Variants in GNA14 observed in about 807,000 individuals in gnomAD.
GNA14 encodes the protein guanine nucleotide-binding protein subunit alpha-14.
A neutral mutation model predicts 42.0 loss-of-function variants in GNA14; 50 were observed. The observed-to-expected ratio is 1.19, with a 90% CI of 0.95 to 1.51. The LOEUF (loss-of-function observed/expected upper bound fraction) is 1.51, where lower values mean the gene tolerates loss of function less well. Ranked by LOEUF, GNA14 falls within the 40% of genes most tolerant of loss-of-function variation. The probability of loss-of-function intolerance (pLI) is 0.00; values close to 1 mark genes in which losing one functional copy is unlikely to be tolerated. For missense variants in GNA14, 473 were observed against 446.2 expected (o/e 1.06, Z -0.54); for synonymous variants, 173 against 163.1 (o/e 1.06, Z -0.46).
chr9:77,484,553 A>G (rs1836622799), intron 2 of GNA14, among the ~76,000 whole-genome samples: 1 of 152,186 alleles, frequency 6.6e-6, no homozygotes, highest in South Asian at 2.1e-4. Context: ...AAGTAAGAGT[A>G]CTACACTTTG....
chr9:77,520,391 A>G (rs1837337126), intron 2 of GNA14, among the ~76,000 whole-genome samples: 1 of 152,218 alleles, frequency 6.6e-6, no homozygotes, highest in Non-Finnish European at 1.5e-5. Flanking sequence ...ATCGCCAGAG[A>G]ACTGGGGCAC....
chr9:77,499,127 G>T (rs1313863755), intron 2 of GNA14, among the ~76,000 whole-genome samples: 1 of 152,146 alleles, frequency 6.6e-6, no homozygotes, highest in Admixed American at 6.6e-5. Flanking sequence ...ATTAAGGAAA[G>T]GCTAAGTAAT....
chr9:77,490,451 A>C (rs1836749724), intron 2 of GNA14, among the ~76,000 whole-genome samples: 1 of 152,174 alleles, frequency 6.6e-6, no homozygotes, highest in Non-Finnish European at 1.5e-5. Context: ...TTCGTCGGGG[A>C]GGCTCAGGCT....
chr9:77,632,324 A>G (rs764531411), intron 1 of GNA14, among the ~76,000 whole-genome samples: 5 of 152,154 alleles, frequency 3.3e-5, no homozygotes, highest in Admixed American at 6.5e-5. Flanking sequence ...GCTCCTGGAC[A>G]GGAGGTGGGT....
intron 1 of GNA14, among the ~76,000 whole-genome samples, chr9:77,563,848 T>C (rs1232244954): frequency 1.3e-5 from 2 of 152,112 alleles, no homozygotes; most frequent in Non-Finnish European, 2.9e-5. Context: ...GGAGCGCAAT[T>C]TGGGGTCTTG....
intron 1 of GNA14, among the ~76,000 whole-genome samples, chr9:77,529,948 A>G (rs1394568721): frequency 1.3e-5 from 2 of 152,366 alleles, no homozygotes; most frequent in African/African-American, 2.4e-5. Flanking sequence ...AAGTTGCAGT[A>G]TAAGTGATAG....
intron 1 of GNA14, among the ~76,000 whole-genome samples, chr9:77,532,312 A>G (rs1162076381): frequency 6.6e-6 from 1 of 152,194 alleles, no homozygotes; most frequent in East Asian, 1.9e-4. Flanking sequence ...GGTCTCATCC[A>G]TCGCTCCCAT....
chr9:77,454,690 T>C (rs1433951162), intron 2 of GNA14, among the ~76,000 whole-genome samples: 1 of 151,818 alleles, frequency 6.6e-6, no homozygotes, highest in Non-Finnish European at 1.5e-5. Context: ...CTATAGCCTT[T>C]CCATAAACTC....
At chr9:77,509,386 T>A (rs560605544) in intron 2 of GNA14, among the ~76,000 whole-genome samples, 2 of 152,352 alleles carry the variant, frequency 1.3e-5, no homozygotes, top group South Asian at 4.1e-4. Context: ...CATTTGGCTA[T>A]TGTGAATAAT....
At chr9:77,432,438 C>A (rs1835571819) in intron 3 of GNA14, among the ~76,000 whole-genome samples, 1 of 152,174 alleles carries the variant, frequency 6.6e-6, no homozygotes, top group Non-Finnish European at 1.5e-5. Flanking sequence ...TTGATTTACA[C>A]CTGAGTTGCT....
At chr9:77,593,279 A>G (rs1823416446) in intron 1 of GNA14, among the ~76,000 whole-genome samples, 1 of 152,054 alleles carries the variant, frequency 6.6e-6, no homozygotes, top group African/African-American at 2.4e-5. Context: ...CTCCAATTAC[A>G]GAGGTAAAAG....
chr9:77,569,295 AG>A (rs796502551), intron 1 of GNA14, among the ~76,000 whole-genome samples: 22 of 152,214 alleles, frequency 1.4e-4, no homozygotes, highest in African/African-American at 5.3e-4. Flanking sequence ...CAAGGGGGGC[AG>A]GGGGATGCAG....
chr9:77,489,744 T>A (rs1294998304), intron 2 of GNA14, among the ~76,000 whole-genome samples: 1 of 152,124 alleles, frequency 6.6e-6, no homozygotes, highest in African/African-American at 2.4e-5. Context: ...TGTTCATTTC[T>A]CCCGGTGGGC....
intron 1 of GNA14, among the ~76,000 whole-genome samples, chr9:77,625,717 G>C (rs750501800): frequency 1.3e-5 from 2 of 152,074 alleles, no homozygotes; most frequent in African/African-American, 2.4e-5. Context: ...GCCTGCCTTA[G>C]AAGAGCTCCT....
intron 2 of GNA14, among the ~76,000 whole-genome samples, chr9:77,438,538 G>T (rs1172262520): frequency 6.6e-6 from 1 of 151,612 alleles, no homozygotes; most frequent in Non-Finnish European, 1.5e-5. Flanking sequence ...AAAGTGCTGG[G>T]ATTACAGGCA....
intron 2 of GNA14, among the ~76,000 whole-genome samples, chr9:77,502,930 T>C (rs1349966971): frequency 1.3e-5 from 2 of 152,196 alleles, no homozygotes; most frequent in South Asian, 2.1e-4. Context: ...CAGGCCTTTG[T>C]TGGAGCTTTT....
At chr9:77,574,434 A>C (rs986976416) in intron 1 of GNA14, among the ~76,000 whole-genome samples, 1 of 152,230 alleles carries the variant, frequency 6.6e-6, no homozygotes, top group African/African-American at 2.4e-5. Context: ...GGGGTGATTA[A>C]ATACAGACAG....
intron 1 of GNA14, among the ~76,000 whole-genome samples, chr9:77,577,993 C>T (rs369530125): frequency 2.0e-5 from 3 of 152,074 alleles, no homozygotes; most frequent in East Asian, 1.9e-4. Context: ...CTTGGCCAGG[C>T]GCGGTGGCTC....
chr9:77,425,130 G>A (rs961364785), intron 6 of GNA14, among the ~76,000 whole-genome samples: 40 of 152,234 alleles, frequency 2.6e-4, no homozygotes, highest in African/African-American at 9.1e-4. Context: ...CTACCCTCAT[G>A]GAGCCGACTG....
Sources: gnomAD v4.1 joint callset for allele counts (sites outside exome capture counted in the v4.1 genomes callset) on GRCh38, gnomAD v4.1.1 for gene constraint, MANE v1.5 for transcripts, NCBI Gene and HGNC (gene_info 2026-07-23, HGNC 2026-07-21) for gene names.